The following RYR1 variants were observed in gnomAD, a reference collection of about 807,000 sequenced individuals.
RYR1 encodes the protein ryanodine receptor 1.
A neutral mutation model predicts 583.5 loss-of-function variants in RYR1; 342 were observed. That is an observed-to-expected ratio of 0.59 (90% CI 0.54 to 0.64). The LOEUF is 0.64. Among genes scored for constraint, RYR1 ranks in the 30% least tolerant of loss-of-function variants. The probability of loss-of-function intolerance (pLI) is 0.00; values close to 1 mark genes in which losing one functional copy is unlikely to be tolerated. For synonymous variants in RYR1, 2,791 were observed against 2,822.5 expected, an observed-to-expected ratio of 0.99 and a Z score of 0.35; for missense variants, 6,032 against 6,917.2, an observed-to-expected ratio of 0.87 and a Z score of 4.54.
chr19:38,450,635 A>G lies in RYR1; in HGVS notation c.1123-1129A>G, dbSNP rs116713612. Among the ~76,000 whole-genome samples, 634 of 152,216 alleles carry G rather than the reference A, an allele frequency of 4.2e-3. 3 individuals are homozygous for G. The highest frequency in any genetic ancestry group is 0.014 in the African/African-American group (601 of 41,522). On this transcript the variant is annotated intron_variant, in intron 11 of 105. Transcript: ENST00000359596. ...TGGTATCTGATTTACCTAGGGTGCAAAAGACTGGTTGGACCAGTTGTGCCA... is the reference window on the plus strand; with the variant it reads ...TGGTATCTGATTTACCTAGGGTGCAGAAGACTGGTTGGACCAGTTGTGCCA...
At position 38,587,404 on chromosome 19, in the gene RYR1, A is replaced by T; in HGVS notation, c.15101A>T (p.Glu5034Val). The change falls in exon 106 of 106, where the codon GAG becomes GTG. Residue 5034 changes from glutamate to valine, a missense_variant. Physicochemically the swap from Glu to Val is moderately radical, Grantham distance 121 (BLOSUM62 -2). This residue lies in a region of RYR1 where 189 missense variants were observed against 350.3 expected (regional missense o/e 0.54). Transcript: ENST00000359596. ...PAGDCFRKQY[E>V]DQLS is the part of the protein sequence containing the mutation. ...GGTGATTGTTTCCGTAAGCAGTATG[A>T]GGACCAGCTTAGCTGACACACCCCC... The T allele has an allele frequency of 6.2e-7, 1 of 1,613,912 alleles. No homozygotes were observed.
At chr19:38,472,977 T>C (rs115163794) in intron 27 of RYR1, among the ~76,000 whole-genome samples, 5,317 of 150,882 alleles carry the variant, frequency 0.035, 304 homozygotes, top group African/African-American at 0.12. Flanking sequence ...GATCCTGCTA[T>C]TGCACTCCAG....
Position 38,482,900 on chromosome 19 carries a change from CTG to C in RYR1, c.4621-126_4621-125del, listed in dbSNP as rs982510234. 57 of 837,230 alleles carry C rather than the reference CTG, an allele frequency of 6.8e-5. No homozygotes were observed. In the African/African-American group the frequency reaches 7.3e-4, roughly 11 times the overall value. The allele number at this position is 837,230 out of a possible 1,614,324, so 51.9% of individuals were successfully genotyped here. The stretch of plus-strand genomic sequence containing the variant: ...AGGTGGGACAGTCTAAGGGTGACCT[CTG>C]AGCCATTTTGGAGCCTCTAACGCCC... On this transcript the variant is annotated intron_variant, in intron 31 of 105. Transcript: ENST00000359596.
intron 48 of RYR1, 69 bp from the exon 49 acceptor site, chr19:38,502,811 A>AG: frequency 1.2e-6 from 1 of 813,674 alleles, no homozygotes; most frequent in East Asian, 4.2e-5. Flanking sequence ...GGGCAGGGGG[A>AG]GGAGCAGGGG....
At position 38,477,861 on chromosome 19, in the gene RYR1, T is replaced by G; in HGVS notation, c.4445T>G (p.Val1482Gly). The G allele has an allele frequency of 8.4e-7, 1 of 1,190,182 alleles. No homozygotes were observed. The highest frequency in any genetic ancestry group is 1.7e-5 in the African/African-American group (1 of 59,718). The allele number at this position is 1,190,182 out of a possible 1,614,324, so 73.7% of individuals were successfully genotyped here. The change falls in exon 30 of 106, where the codon GTC (valine) becomes GGC (glycine). Residue 1482 changes from valine to glycine, a missense_variant. Val to Gly is a moderately radical substitution (Grantham distance 109, BLOSUM62 -3). Transcript: ENST00000359596. ...ACCATGGGGGATGAACAAGGCAACGTCCACAGCAGGTGCCGGGGCTGGGGG... is the reference window on the plus strand; with the variant it reads ...ACCATGGGGGATGAACAAGGCAACGGCCACAGCAGGTGCCGGGGCTGGGGG... The part of the protein sequence containing the change: ...TVTMGDEQGN[V>G]HSSLKCSNCY...
Position 38,528,708 on chromosome 19 carries a change from C to T in RYR1, c.11034+13C>T. 6.2e-7 allele frequency: 1 copy of T among 1,613,616 alleles called. No individual in the cohort carries two copies. Among genetic ancestry groups the T allele is most frequent in the South Asian group, 1.1e-5 (1 of 91,072 alleles). ...AGATGACCTTTCAGTGAGCTGGGAC[C>T]CGCCTGGGGGAGTGGGGGGCGAGCT... is the stretch of plus-strand genomic sequence containing the variant. On this transcript the variant is annotated intron_variant, in intron 75 of 105. Transcript: ENST00000359596.
In RYR1 at chr19:38,501,009, C is replaced by G; in HGVS notation, c.7614+19C>G. On this transcript the variant is annotated intron_variant, in intron 47 of 105. Transcript: ENST00000359596. ...GGACACGGTGAGCAACCCTGCCCAGCCTGGCCACCCTCCCCACTTCCACAG... is the reference window on the plus strand; with the variant it reads ...GGACACGGTGAGCAACCCTGCCCAGGCTGGCCACCCTCCCCACTTCCACAG... The G allele has an allele frequency of 6.2e-7, 1 of 1,610,428 alleles. No individual in the cohort carries two copies. Among genetic ancestry groups the G allele is most frequent in the Non-Finnish European group, 8.5e-7 (1 of 1,178,886 alleles).
At chr19:38,501,123 A>G (rs1970097781) in intron 47 of RYR1, 133 bp downstream of exon 47, 1 of 834,108 alleles carries the variant, frequency 1.2e-6, no homozygotes, top group African/African-American at 1.7e-5. Context: ...CAATACCATC[A>G]TCAAGATAGA....
Position 38,446,728 on chromosome 19 carries a change from C to G in RYR1, c.760C>G (p.His254Asp). The G allele has an allele frequency of 6.2e-7, 1 of 1,613,948 alleles. No individual in the cohort carries two copies. The highest frequency in any genetic ancestry group is 1.7e-5 in the Admixed American group (1 of 60,010). ...VYYEGGAVCT[H>D]ARSLWRLEPL... ...CTATGAGGGGGGAGCTGTGTGCACT[C>G]ATGCCCGCTCCCTCTGGAGGCTGGA... Residue 254 changes from histidine to aspartate, a missense_variant, in exon 9 of 106, where the codon CAT (histidine) becomes GAT (aspartate). By Grantham distance (81) the His-to-Asp change is moderately conservative (BLOSUM62 -1). Transcript: ENST00000359596.
Position 38,448,406 on chromosome 19 carries a change from C to A in RYR1, c.852C>A (p.Val284=). Residue 284 remains valine (V), a synonymous_variant, in exon 10 of 106, where the codon GTC becomes GTA. Coordinates refer to ENST00000359596, the MANE Select transcript of RYR1 (RefSeq NM_000540.3). ...GCCAGCCACTCCGAGTCCGGCATGT[C>A]ACTACCGGGCAGTACCTAGCGCTCA... ...RWGQPLRVRH[V]TTGQYLALTE... 9.3e-6 allele frequency: 15 copies of A among 1,612,994 alleles called. No homozygotes were observed. The highest frequency in any genetic ancestry group is 1.3e-5 in the Non-Finnish European group (15 of 1,180,020).
At position 38,543,459 on chromosome 19, in the gene RYR1, T is replaced by C. The variant is rs1342033029; in HGVS notation, c.11778+24T>C. The C allele has an allele frequency of 6.2e-7, 1 of 1,614,168 alleles. No homozygotes were observed. The highest frequency in any genetic ancestry group is 8.5e-7 in the Non-Finnish European group (1 of 1,180,008). On this transcript the variant is annotated intron_variant, in intron 85 of 105. Transcript: ENST00000359596. This position sits in a 1 kb window ranked among gnomAD's most constrained non-coding sequence, Gnocchi z 4.4. The stretch of plus-strand genomic sequence containing the variant: ...AGGTGAGGACGTGAGACGGTTCAGG[T>C]GTGACTTGGGTCGGGGGCTGCAGGG...
intron 94 of RYR1, among the ~76,000 whole-genome samples, chr19:38,571,655 GGAT>G (rs1973719822): frequency 6.6e-6 from 1 of 152,114 alleles, no homozygotes; most frequent in Admixed American, 6.6e-5. Context: ...AAAAAAAAGA[GGAT>G]GAGTGTGTGT....
In RYR1 at chr19:38,444,862, C is replaced by G. The variant is rs563132416; in HGVS notation, c.631+185C>G. On this transcript the variant is annotated intron_variant, in intron 7 of 105. Coordinates refer to ENST00000359596, the MANE Select transcript of RYR1 (RefSeq NM_000540.3). This position sits in a 1 kb window ranked among gnomAD's most constrained non-coding sequence, Gnocchi z 5.1. ...CAGACCCCCAGAGCTCAGAACCCCC[C>G]CAAACCCCGAACTAAATATCAGGCT... Among the ~76,000 whole-genome samples, 24 of 151,618 alleles carry G rather than the reference C, an allele frequency of 1.6e-4. No individual in the cohort carries two copies. Among genetic ancestry groups the G allele is most frequent in the African/African-American group, 5.6e-4 (23 of 41,324 alleles).
intron 63 of RYR1, among the ~76,000 whole-genome samples, chr19:38,513,066 A>C (rs1382861406): frequency 6.6e-6 from 1 of 152,196 alleles, no homozygotes. Context: ...GGCCGAGCGC[A>C]GTGGCTCACG....
chr19:38,511,064 G>A (rs142259840), intron 60 of RYR1, among the ~76,000 whole-genome samples: 2 of 152,164 alleles, frequency 1.3e-5, no homozygotes, highest in Non-Finnish European at 2.9e-5. Context: ...GGGAAGCTGA[G>A]GTGGGAAGAT....
chr19:38,575,863 C>G, intron 96 of RYR1, 56 bp from the exon 97 acceptor site: 8 of 1,593,566 alleles, frequency 5.0e-6, no homozygotes, highest in East Asian at 2.2e-5. Flanking sequence ...GCTGACAGCT[C>G]TGATCCCTCT....
At chr19:38,494,700 C>A in intron 39 of RYR1, 75 bp downstream of exon 39, 1 of 1,576,790 alleles carries the variant, frequency 6.3e-7, no homozygotes, top group Non-Finnish European at 8.7e-7. Flanking sequence ...AATAACATTC[C>A]CTTCCCCAAC....
intron 67 of RYR1, among the ~76,000 whole-genome samples, chr19:38,519,958 T>G (rs981845131): frequency 2.0e-5 from 3 of 152,116 alleles, no homozygotes; most frequent in Non-Finnish European, 2.9e-5. Context: ...ATTACAGCTG[T>G]GAGCCAATGC....
At chr19:38,446,607 C>A in intron 8 of RYR1, 42 bp downstream of exon 8, 1 of 1,601,372 alleles carries the variant, frequency 6.2e-7, no homozygotes, top group East Asian at 2.2e-5. Flanking sequence ...TAGGGGTGGA[C>A]GTGGAGGGCT....
Sources: gnomAD v4.1 joint callset for allele counts (sites outside exome capture counted in the v4.1 genomes callset) on GRCh38, gnomAD v4.1.1 for gene constraint, gnomAD v4.1.1 regional missense constraint, Gnocchi (gnomAD v3.1) non-coding constraint, MANE v1.5 for transcripts, NCBI Gene and HGNC (gene_info 2026-07-23, HGNC 2026-07-21) for gene names.